The following BMP10 variants were observed in gnomAD, a reference collection of about 807,000 sequenced individuals.
BMP10 encodes the protein bone morphogenetic protein 10.
A neutral mutation model predicts 29.9 loss-of-function variants in BMP10; 9 were observed. The ratio of observed to expected loss-of-function variants is 0.30; its 90% confidence interval spans 0.18 to 0.53. The LOEUF (loss-of-function observed/expected upper bound fraction) is 0.53. BMP10 is among the 20% of genes least tolerant of loss of function. The pLI is 0.96. For missense variants in BMP10, 474 were observed against 524.3 expected (o/e 0.90, Z 0.94); for synonymous variants, 202 against 200.2 (o/e 1.01, Z -0.07).
In BMP10 at chr2:68,864,959, A is replaced by G. The variant is rs1682924400; in HGVS notation, c.*672T>C. On this transcript the variant is annotated 3_prime_UTR_variant, in exon 2 of 2. Transcript: ENST00000295379. The stretch of plus-strand genomic sequence containing the variant: ...CTTCTGTTTTCCTGCCTTGACCAGG[A>G]GTTGCCCTCTGGAGCACATTGGTCC... Among the ~76,000 whole-genome samples, 1 of 152,140 alleles carries G rather than the reference A, an allele frequency of 6.6e-6. No individual in the cohort carries two copies. The highest frequency in any genetic ancestry group is 1.5e-5 in the Non-Finnish European group (1 of 68,028).
Position 68,865,872 on chromosome 2 carries a change from G to A in BMP10, c.1034C>T (p.Pro345Leu). 6.2e-7 allele frequency: 1 copy of A among 1,614,100 alleles called. No individual in the cohort carries two copies. Among genetic ancestry groups the A allele is most frequent in the East Asian group, 2.2e-5 (1 of 44,872 alleles). ...IGWDSWIIAP[P>L]GYEAYECRGV... The stretch of plus-strand genomic sequence containing the variant: ...ACGGCATTCATAGGCTTCGTATCCA[G>A]GCGGAGCGATGATCCAGGAGTCCCA... The change falls in exon 2 of 2, where the codon CCT (proline) becomes CTT (leucine). Residue 345 changes from proline (P) to leucine (L), a missense_variant. Physicochemically the swap from Pro to Leu is moderately conservative, Grantham distance 98. Transcript: ENST00000295379. The surrounding 1 kb of genome is among the most constrained non-coding windows in gnomAD (Gnocchi z 4.7).
At position 68,871,386 on chromosome 2, in the gene BMP10, C is replaced by A; in HGVS notation, c.-28G>T. The A allele has an allele frequency of 6.2e-7, 1 of 1,601,360 alleles. No individual in the cohort carries two copies. Among genetic ancestry groups the A allele is most frequent in the Non-Finnish European group, 8.5e-7 (1 of 1,172,606 alleles). ...CTCCGCTCGAGCTCCTAGGCCAAGCCAGGAAGGTTTAGCTTCCCTGGGCTC... is the reference window on the plus strand; with the variant it reads ...CTCCGCTCGAGCTCCTAGGCCAAGCAAGGAAGGTTTAGCTTCCCTGGGCTC... On this transcript the variant is annotated 5_prime_UTR_variant, in exon 1 of 2. Coordinates refer to ENST00000295379, the MANE Select transcript of BMP10 (RefSeq NM_014482.3).
rs143483491 is a variant in BMP10, at chr2:68,865,877, A to G, written c.1029T>C (p.Ala343=). The change falls in exon 2 of 2, where the codon GCT becomes GCC. Residue 343 remains alanine, a synonymous_variant. Coordinates refer to ENST00000295379, the MANE Select transcript of BMP10 (RefSeq NM_014482.3). This position sits in a 1 kb window ranked among gnomAD's most constrained non-coding sequence, Gnocchi z 4.7. Reference sequence around the variant, plus strand: ...ATTCATAGGCTTCGTATCCAGGCGGAGCGATGATCCAGGAGTCCCACCCAA... The same window carrying G: ...ATTCATAGGCTTCGTATCCAGGCGGGGCGATGATCCAGGAGTCCCACCCAA... ...KEIGWDSWII[A]PPGYEAYECR... is the part of the protein sequence containing the mutation. 12 of 1,613,962 alleles carry G rather than the reference A, an allele frequency of 7.4e-6. No individual in the cohort carries two copies. In the African/African-American group the frequency reaches 1.5e-4, roughly 20 times the overall value.
intron 1 of BMP10, among the ~76,000 whole-genome samples, chr2:68,868,149 A>G (rs1683000462): frequency 6.6e-6 from 1 of 152,210 alleles, no homozygotes; most frequent in Admixed American, 6.5e-5. Flanking sequence ...TTACTCAATA[A>G]TATTTGTGAA....
At chr2:68,867,129 C>T (rs1682976015) in intron 1 of BMP10, among the ~76,000 whole-genome samples, 2 of 152,178 alleles carry the variant, frequency 1.3e-5, no homozygotes, top group Admixed American at 1.3e-4. Context: ...GGCCTGCTAC[C>T]TGCTTTTGGA....
At position 68,864,396 on chromosome 2, in the gene BMP10, A is replaced by C. The variant is rs1449069764; in HGVS notation, c.*1235T>G. 3.3e-5 allele frequency among the ~76,000 whole-genome samples: 5 copies of C among 152,216 alleles called. No homozygotes were observed. Among genetic ancestry groups the C allele is most frequent in the African/African-American group, 1.2e-4 (5 of 41,458 alleles). On this transcript the variant is annotated 3_prime_UTR_variant, in exon 2 of 2. Transcript: ENST00000295379. ...ACATTTGATAAAGGATATTATTAAA[A>C]TAAAATCAAATTAAATATCACGGGA... is the stretch of plus-strand genomic sequence containing the variant.
Position 68,863,917 on chromosome 2 carries a change from A to T in BMP10, c.*1714T>A, listed in dbSNP as rs1044243988. ...TGGGGGATGACGTACTGGAAACCAC[A>T]TTCCTGGTTCTAACAGGAACCATCC... On this transcript the variant is annotated 3_prime_UTR_variant, in exon 2 of 2. Coordinates refer to ENST00000295379, the MANE Select transcript of BMP10 (RefSeq NM_014482.3). Among the ~76,000 whole-genome samples, 4 of 152,174 alleles carry T rather than the reference A, an allele frequency of 2.6e-5. No individual in the cohort carries two copies. Among genetic ancestry groups the T allele is most frequent in the African/African-American group, 9.7e-5 (4 of 41,448 alleles).
chr2:68,869,437 C>T (rs114266643), intron 1 of BMP10, among the ~76,000 whole-genome samples: 2,063 of 152,236 alleles, frequency 0.014, 43 homozygotes, highest in African/African-American at 0.046. Context: ...GAGGTGCTGG[C>T]GGCTGGGTTG....
rs1457112767 is a variant in BMP10, at chr2:68,861,288, G to A, written c.*4343C>T. Among the ~76,000 whole-genome samples the A allele has an allele frequency of 2.0e-5, 3 of 152,178 alleles. No individual in the cohort carries two copies. Among genetic ancestry groups the A allele is most frequent in the Admixed American group, 6.5e-5 (1 of 15,278 alleles). On this transcript the variant is annotated 3_prime_UTR_variant, in exon 2 of 2. Transcript: ENST00000295379. ...ATGAATGCTCAGTAGGCGGGCGCTGGCACATTGGCCGCCCCACCACTATCA... is the reference window on the plus strand; with the variant it reads ...ATGAATGCTCAGTAGGCGGGCGCTGACACATTGGCCGCCCCACCACTATCA...
intron 1 of BMP10, 30 bp downstream of exon 1, chr2:68,870,995 C>A (rs769926296): frequency 1.9e-6 from 3 of 1,586,236 alleles, no homozygotes; most frequent in Non-Finnish European, 2.6e-6. Flanking sequence ...TGAAAAAAAT[C>A]CTAGCAAAAT....
intron 1 of BMP10, among the ~76,000 whole-genome samples, chr2:68,869,824 A>G (rs1683036389): frequency 6.6e-6 from 1 of 152,266 alleles, no homozygotes. Flanking sequence ...TACCTACTCA[A>G]CATTTATTCC....
At chr2:68,867,174 GT>G (rs1163393772) in intron 1 of BMP10, among the ~76,000 whole-genome samples, 4 of 152,188 alleles carry the variant, frequency 2.6e-5, no homozygotes, top group Admixed American at 2.6e-4. Flanking sequence ...CTCATCCATT[GT>G]TTTTGTATTG....
At position 68,865,921 on chromosome 2, in the gene BMP10, A is replaced by G. The variant is rs929664859; in HGVS notation, c.985T>C (p.Tyr329His). Residue 329 changes from tyrosine (Y) to histidine (H), a missense_variant, in exon 2 of 2, where the codon TAC becomes CAC. By Grantham distance (83) the Tyr-to-His change is moderately conservative (BLOSUM62 2). This residue lies in a region of BMP10 where 408 missense variants were observed against 415.3 expected (regional missense o/e 0.98). Transcript: ENST00000295379. The surrounding 1 kb of genome is among the most constrained non-coding windows in gnomAD (Gnocchi z 4.7). Reference protein sequence around the residue: ...KGNYCKRTPLYIDFKEIGWDS... With the variant: ...KGNYCKRTPLHIDFKEIGWDS... ...CACCCAATCTCCTTGAAGTCGATGT[A>G]GAGCGGGGTCCTCTTACAGTAGTTT... is the stretch of plus-strand genomic sequence containing the variant. The G allele has an allele frequency of 1.9e-6, 3 of 1,614,106 alleles. No homozygotes were observed. The highest frequency in any genetic ancestry group is 1.7e-5 in the Admixed American group (1 of 59,996).
intron 1 of BMP10, among the ~76,000 whole-genome samples, chr2:68,867,559 G>A (rs1213573182): frequency 6.6e-6 from 1 of 152,140 alleles, no homozygotes; most frequent in African/African-American, 2.4e-5. Flanking sequence ...TTCCAAATAC[G>A]ATCATGTTGA....
chr2:68,871,313 C>G lies in BMP10; in HGVS notation c.46G>C (p.Ala16Pro). The G allele has an allele frequency of 6.2e-7, 1 of 1,614,132 alleles. No individual in the cohort carries two copies. The highest frequency in any genetic ancestry group is 8.5e-7 in the Non-Finnish European group (1 of 1,180,002). Residue 16 changes from alanine (A) to proline (P), a missense_variant, in exon 1 of 2, where the codon GCT (alanine) becomes CCT (proline). Around this residue, in one of 2 missense-constraint regions of BMP10, gnomAD observed 408 missense variants for 415.3 expected, o/e 0.98. Transcript: ENST00000295379. Reference protein sequence around the residue: ...LTLCALFCLAAYLVSGSPIMN... With the variant: ...LTLCALFCLAPYLVSGSPIMN... Reference sequence around the variant, plus strand: ...ATGGGGCTGCCAGAAACCAAGTAAGCTGCCAGGCAGAAAAGAGCGCACAGT... The same window carrying G: ...ATGGGGCTGCCAGAAACCAAGTAAGGTGCCAGGCAGAAAAGAGCGCACAGT...
At chr2:68,870,620 T>C (rs1683047340) in intron 1 of BMP10, among the ~76,000 whole-genome samples, 1 of 152,194 alleles carries the variant, frequency 6.6e-6, no homozygotes, top group Non-Finnish European at 1.5e-5. Context: ...GTTTTTACCC[T>C]TTTTATTCTA....
intron 1 of BMP10, 78 bp downstream of exon 1, chr2:68,870,947 T>C (rs1683054633): frequency 3.1e-6 from 4 of 1,275,956 alleles, no homozygotes; most frequent in Middle Eastern, 1.9e-4. Flanking sequence ...CCCTTACCTA[T>C]ATCATTCCCA....
Position 68,863,183 on chromosome 2 carries a change from G to A in BMP10, c.*2448C>T, listed in dbSNP as rs1174953200. 6.6e-6 allele frequency among the ~76,000 whole-genome samples: 1 copy of A among 152,196 alleles called. No homozygotes were observed. ...CTCCCAAGAGCTGACTTAGGTTTTA[G>A]AAGTTTTGCAAGCCAGTTGACATCA... On this transcript the variant is annotated 3_prime_UTR_variant, in exon 2 of 2. Coordinates refer to ENST00000295379, the MANE Select transcript of BMP10 (RefSeq NM_014482.3).
Position 68,862,965 on chromosome 2 carries a change from A to G in BMP10, c.*2666T>C, listed in dbSNP as rs1286038697. Among the ~76,000 whole-genome samples the G allele has an allele frequency of 1.3e-5, 2 of 152,222 alleles. No homozygotes were observed. The highest frequency in any genetic ancestry group is 2.4e-5 in the African/African-American group (1 of 41,462). The stretch of plus-strand genomic sequence containing the variant: ...CTGATCGCCAACAGCCTATATTTTC[A>G]TATCTCTTTAACAGAAGAGTGACTA... On this transcript the variant is annotated 3_prime_UTR_variant, in exon 2 of 2. Transcript: ENST00000295379.
Sources: allele counts gnomAD v4.1 joint callset (sites outside exome capture counted in the v4.1 genomes callset), GRCh38; gene constraint gnomAD v4.1.1; regional missense constraint gnomAD v4.1.1; non-coding constraint Gnocchi (gnomAD v3.1); transcripts MANE v1.5; gene names NCBI Gene and HGNC (gene_info 2026-07-23, HGNC 2026-07-21).